The following ATP6V1C2 variants were observed in gnomAD, a reference collection of about 807,000 sequenced individuals.
ATP6V1C2 encodes the protein ATPase H+ transporting V1 subunit C2, also known as V-type proton ATPase subunit C 2.
Under a neutral mutation model 56.8 loss-of-function variants are expected in ATP6V1C2, and 45 were observed. That is an observed-to-expected ratio of 0.79 (90% CI 0.62 to 1.02). The LOEUF (loss-of-function observed/expected upper bound fraction) is 1.02, where lower values mean the gene tolerates loss of function less well. ATP6V1C2 is among the 50% of genes least tolerant of loss of function. ATP6V1C2 has a pLI of 0.00. For synonymous variants in ATP6V1C2, 220 were observed against 201.3 expected (o/e 1.09, Z -0.79); for missense variants, 463 against 519.7 (o/e 0.89, Z 1.06).
upstream of ATP6V1C2, among the ~76,000 whole-genome samples, chr2:10,721,402 G>A (rs984588670): frequency 2.6e-5 from 4 of 152,086 alleles, no homozygotes; most frequent in African/African-American, 7.2e-5. Flanking sequence ...AGGAGACCCC[G>A]TGGGACGCGC....
At chr2:10,733,658 CT>C (rs1662088144) in intron 3 of ATP6V1C2, among the ~76,000 whole-genome samples, 1 of 152,036 alleles carries the variant, frequency 6.6e-6, no homozygotes, top group African/African-American at 2.4e-5. Context: ...ACCTCTCTCC[CT>C]GTTTTAAAAA....
chr2:10,726,648 G>T, intron 3 of ATP6V1C2, 79 bp downstream of exon 3: 1 of 1,344,858 alleles, frequency 7.4e-7, no homozygotes, highest in Non-Finnish European at 1.1e-6. Flanking sequence ...TGCTTTGGCT[G>T]AACCGGAGTA....
At chr2:10,743,029 A>G (rs1266144458) in intron 3 of ATP6V1C2, among the ~76,000 whole-genome samples, 1 of 152,182 alleles carries the variant, frequency 6.6e-6, no homozygotes, top group East Asian at 1.9e-4. Context: ...TCCCCAGATG[A>G]CTATCGAGGT....
At chr2:10,774,141 C>T (rs1572608764) in intron 8 of ATP6V1C2, among the ~76,000 whole-genome samples, 1 of 152,242 alleles carries the variant, frequency 6.6e-6, no homozygotes, top group South Asian at 2.1e-4. Context: ...TCTGGAAATA[C>T]CTGGAGTCTG....
intron 4 of ATP6V1C2, 31 bp downstream of exon 4, chr2:10,754,097 C>T (rs746859691): frequency 1.9e-6 from 3 of 1,552,216 alleles, no homozygotes; most frequent in Admixed American, 1.8e-5. Context: ...ATGTGGAGCA[C>T]AATCTCCCCG....
intron 2 of ATP6V1C2, among the ~76,000 whole-genome samples, chr2:10,723,650 AAC>A (rs2148400371): frequency 6.6e-6 from 1 of 151,740 alleles, no homozygotes; most frequent in East Asian, 2.0e-4. Context: ...CATCCTGGCT[AAC>A]ACGGTGAAAC....
At chr2:10,751,501 A>G (rs1663211096) in intron 3 of ATP6V1C2, among the ~76,000 whole-genome samples, 1 of 152,210 alleles carries the variant, frequency 6.6e-6, no homozygotes, top group Non-Finnish European at 1.5e-5. Context: ...TATAATCAGT[A>G]AGACGCTATT....
At chr2:10,738,935 T>C (rs1453312035) in intron 3 of ATP6V1C2, among the ~76,000 whole-genome samples, 3 of 152,180 alleles carry the variant, frequency 2.0e-5, no homozygotes, top group Admixed American at 2.0e-4. Flanking sequence ...TCTCAGCACG[T>C]CCATCGAAGC....
chr2:10,779,143 C>T (rs1355910272), intron 12 of ATP6V1C2, among the ~76,000 whole-genome samples: 1 of 151,552 alleles, frequency 6.6e-6, no homozygotes, highest in African/African-American at 2.4e-5. Flanking sequence ...TCACTCTTGT[C>T]GCCCAGGCTA....
intron 3 of ATP6V1C2, among the ~76,000 whole-genome samples, chr2:10,745,993 A>G (rs1254447367): frequency 1.3e-5 from 2 of 152,140 alleles, no homozygotes; most frequent in Non-Finnish European, 2.9e-5. Context: ...ACCACATTCT[A>G]TGTATCCACT....
At chr2:10,738,528 C>A (rs992857038) in intron 3 of ATP6V1C2, among the ~76,000 whole-genome samples, 1 of 152,182 alleles carries the variant, frequency 6.6e-6, no homozygotes, top group Non-Finnish European at 1.5e-5. Context: ...CTGCCCCGGT[C>A]CTTCAGGGAC....
intron 4 of ATP6V1C2, among the ~76,000 whole-genome samples, chr2:10,761,501 T>C (rs1454614001): frequency 1.3e-5 from 2 of 152,146 alleles, no homozygotes; most frequent in Non-Finnish European, 1.5e-5. Context: ...GTCATTCCCA[T>C]TGTGTGTGGC....
chr2:10,729,698 G>A (rs1661851357), intron 3 of ATP6V1C2, among the ~76,000 whole-genome samples: 2 of 152,154 alleles, frequency 1.3e-5, no homozygotes. Context: ...TCTACAAAAA[G>A]TAAAAAATAC....
chr2:10,774,707 C>T (rs1292123206), intron 8 of ATP6V1C2, 81 bp from the exon 9 acceptor site: 3 of 1,262,802 alleles, frequency 2.4e-6, no homozygotes, highest in African/African-American at 3.0e-5. Flanking sequence ...AGGTGCAGGC[C>T]ACCAGGCCCG....
At chr2:10,764,258 T>C (rs1664092266) in intron 4 of ATP6V1C2, 73 bp from the exon 5 acceptor site, 3 of 1,342,888 alleles carry the variant, frequency 2.2e-6, no homozygotes, top group African/African-American at 1.4e-5. Flanking sequence ...GATGCTTGGC[T>C]TGGGATTCCG....
At position 10,784,362 on chromosome 2, in the gene ATP6V1C2, G is replaced by C. The variant is rs774169603; in HGVS notation, c.*1099G>C. On this transcript the variant is annotated 3_prime_UTR_variant, in exon 14 of 14. Transcript: ENST00000272238. ...ACAGAAAGCCACTGTTAGATCTGCA[G>C]AAGGGGACACCCTGGAAGGTCAACA... 1.3e-5 allele frequency: 20 copies of C among 1,549,488 alleles called. No individual in the cohort carries two copies. The highest frequency in any genetic ancestry group is 1.7e-5 in the Non-Finnish European group (19 of 1,126,802).
In ATP6V1C2 at chr2:10,774,119, T is replaced by C. The variant is rs139744809; in HGVS notation, c.639-669T>C. Among the ~76,000 whole-genome samples the C allele has an allele frequency of 7.9e-3, 1,209 of 152,332 alleles. 20 individuals are homozygous for C. Among genetic ancestry groups the C allele is most frequent in the African/African-American group, 0.028 (1,166 of 41,576 alleles). ...CATTGTCACAGGCCACCTGAAAGCC[T>C]GCACAGATGACTCTGGAAATACCTG... On this transcript the variant is annotated intron_variant, in intron 8 of 13. Coordinates refer to ENST00000272238, the MANE Select transcript of ATP6V1C2 (RefSeq NM_001039362.2).
In ATP6V1C2 at chr2:10,778,453, C is replaced by T. The variant is rs148797432; in HGVS notation, c.964-119C>T. 849 of 879,480 alleles carry T rather than the reference C, an allele frequency of 9.7e-4. 4 individuals are homozygous for T. Among genetic ancestry groups the T allele is most frequent in the Non-Finnish European group, 1.8e-4 (98 of 555,852 alleles). 54.5% of individuals were successfully genotyped at this position (879,480 alleles called of 1,614,324 possible). A position where few individuals can be genotyped will look rare whatever the true frequency, so the allele number is the denominator to read the frequency against. On this transcript the variant is annotated intron_variant, in intron 11 of 13. Transcript: ENST00000272238. The stretch of plus-strand genomic sequence containing the variant: ...GGCTGGTCTGACCGACTCTCTGCTT[C>T]TGGCTCCTGGGCACTTCTTCTCAGC...
chr2:10,770,259 G>A (rs774909667), intron 6 of ATP6V1C2, among the ~76,000 whole-genome samples: 1 of 152,188 alleles, frequency 6.6e-6, no homozygotes, highest in East Asian at 1.9e-4. Flanking sequence ...TTAGCCGTGC[G>A]TCATGGTGCG....
Sources: gnomAD v4.1 joint callset for allele counts (sites outside exome capture counted in the v4.1 genomes callset) on GRCh38, gnomAD v4.1.1 for gene constraint, MANE v1.5 for transcripts, NCBI Gene and HGNC (gene_info 2026-07-23, HGNC 2026-07-21) for gene names.